The following GRXCR1 variants were observed in gnomAD, a reference collection of about 807,000 sequenced individuals.
GRXCR1 encodes the protein glutaredoxin domain-containing cysteine-rich protein 1.
GRXCR1 carries 27 observed loss-of-function variants against 27.3 expected under a neutral mutation model. That is an observed-to-expected ratio of 0.99 (90% CI 0.73 to 1.37). GRXCR1 has a LOEUF of 1.37. Among genes scored for constraint, GRXCR1 ranks in the 40% most tolerant of loss-of-function variants. The pLI is 0.00. For synonymous variants in GRXCR1, 122 were observed against 131.1 expected (o/e 0.93, Z 0.47); for missense variants, 379 against 354.4 (o/e 1.07, Z -0.56).
At chr4:42,959,437 G>A (rs946777953) in intron 1 of GRXCR1, among the ~76,000 whole-genome samples, 1 of 151,576 alleles carries the variant, frequency 6.6e-6, no homozygotes, top group Non-Finnish European at 1.5e-5. Context: ...GGGGATGGAA[G>A]GGAAGAAGGG....
rs193099885 is a variant in GRXCR1, at chr4:42,917,284, C to T, written c.384+23634C>T. Among the ~76,000 whole-genome samples the T allele has an allele frequency of 3.6e-3, 546 of 152,238 alleles. 6 individuals carry two copies. The highest frequency in any genetic ancestry group is 1.6e-3 in the Non-Finnish European group (108 of 68,018). On this transcript the variant is annotated intron_variant, in intron 1 of 3. Coordinates refer to ENST00000399770, the MANE Select transcript of GRXCR1 (RefSeq NM_001080476.3). ...ATGGGAGAGAAAAAAAGTATCCCAT[C>T]TCCTCTGGTGTTGATGGCACAAATG...
intron 1 of GRXCR1, among the ~76,000 whole-genome samples, chr4:42,953,130 C>T (rs765604161): frequency 1.3e-5 from 2 of 152,100 alleles, no homozygotes; most frequent in Non-Finnish European, 2.9e-5. Context: ...GCAAACTTAC[C>T]AGGTTGCATG....
intron 1 of GRXCR1, among the ~76,000 whole-genome samples, chr4:42,951,003 G>A (rs560509612): frequency 7.9e-5 from 12 of 152,130 alleles, no homozygotes; most frequent in African/African-American, 2.4e-4. Flanking sequence ...GATTATGGAG[G>A]CTAAGAAGCC....
intron 2 of GRXCR1, among the ~76,000 whole-genome samples, chr4:42,974,105 T>C (rs976777331): frequency 1.3e-5 from 2 of 152,050 alleles, no homozygotes; most frequent in African/African-American, 4.8e-5. Context: ...AAGAGTTTAA[T>C]GATTGCAGGG....
intron 2 of GRXCR1, among the ~76,000 whole-genome samples, chr4:43,009,881 A>T (rs1219547116): frequency 6.6e-6 from 1 of 152,166 alleles, no homozygotes; most frequent in Non-Finnish European, 1.5e-5. Context: ...CTATCTATGT[A>T]TCTATGTGCC....
At chr4:42,911,546 G>T (rs1273522049) in intron 1 of GRXCR1, among the ~76,000 whole-genome samples, 1 of 152,012 alleles carries the variant, frequency 6.6e-6, no homozygotes, top group Non-Finnish European at 1.5e-5. Context: ...TGATATCAGA[G>T]AATTCTGAGA....
At chr4:42,965,193 T>A (rs992964805) in intron 2 of GRXCR1, among the ~76,000 whole-genome samples, 1 of 152,056 alleles carries the variant, frequency 6.6e-6, no homozygotes, top group Non-Finnish European at 1.5e-5. Flanking sequence ...GGGGGCATGC[T>A]TCTTTCCCAG....
intron 1 of GRXCR1, among the ~76,000 whole-genome samples, chr4:42,910,220 A>T (rs955762098): frequency 8.5e-5 from 13 of 152,124 alleles, no homozygotes; most frequent in African/African-American, 3.1e-4. Context: ...ATCACCTCCC[A>T]TCAGGTTCCT....
intron 1 of GRXCR1, among the ~76,000 whole-genome samples, chr4:42,928,088 A>G (rs1747214473): frequency 6.6e-6 from 1 of 151,676 alleles, no homozygotes; most frequent in African/African-American, 2.4e-5. Flanking sequence ...TGGAGCATTA[A>G]CTCTCCAGAA....
chr4:42,893,769 C>T (rs1249925355), intron 1 of GRXCR1, 119 bp downstream of exon 1: 73 of 933,066 alleles, frequency 7.8e-5, no homozygotes, highest in East Asian at 1.9e-4. Context: ...CTTCATGAGA[C>T]GCTCCTCCAC....
intron 1 of GRXCR1, among the ~76,000 whole-genome samples, chr4:42,897,914 GTTA>G (rs1219243035): frequency 4.5e-4 from 65 of 143,904 alleles, no homozygotes; most frequent in Middle Eastern, 3.5e-3. Flanking sequence ...GAACAGAAAA[GTTA>G]TTACTATTAT....
At chr4:43,000,787 T>A (rs1712330957) in intron 2 of GRXCR1, among the ~76,000 whole-genome samples, 1 of 152,082 alleles carries the variant, frequency 6.6e-6, no homozygotes, top group South Asian at 2.1e-4. Flanking sequence ...CACTACTGTA[T>A]AAGCCTACTC....
intron 2 of GRXCR1, among the ~76,000 whole-genome samples, chr4:42,984,574 C>A (rs1021161841): frequency 2.0e-5 from 3 of 152,216 alleles, no homozygotes; most frequent in African/African-American, 7.2e-5. Context: ...TTCAGAGATT[C>A]TTGGCAGGCA....
chr4:42,969,686 G>C (rs909370828), intron 2 of GRXCR1, among the ~76,000 whole-genome samples: 7 of 152,012 alleles, frequency 4.6e-5, no homozygotes, highest in Non-Finnish European at 1.0e-4. Flanking sequence ...CTCCCATCAG[G>C]TCCCTCCCTG....
intron 2 of GRXCR1, among the ~76,000 whole-genome samples, chr4:42,992,424 G>A (rs1304003118): frequency 6.6e-6 from 1 of 152,062 alleles, no homozygotes; most frequent in East Asian, 1.9e-4. Flanking sequence ...ATAATTTAAT[G>A]TGATTTTATG....
chr4:42,970,119 G>A (rs1198918615), intron 2 of GRXCR1, among the ~76,000 whole-genome samples: 1 of 152,130 alleles, frequency 6.6e-6, no homozygotes, highest in Non-Finnish European at 1.5e-5. Context: ...GTATGCTAAT[G>A]CAAGGGGTGG....
chr4:42,905,233 C>A (rs1013846352), intron 1 of GRXCR1, among the ~76,000 whole-genome samples: 1 of 152,210 alleles, frequency 6.6e-6, no homozygotes, highest in Non-Finnish European at 1.5e-5. Context: ...GGCTCTGCTG[C>A]AGTTGGCTCT....
intron 2 of GRXCR1, among the ~76,000 whole-genome samples, chr4:42,973,806 T>C (rs1487701046): frequency 6.6e-6 from 1 of 152,154 alleles, no homozygotes; most frequent in East Asian, 1.9e-4. Context: ...ATGAAGATAA[T>C]AGAATACTTA....
chr4:42,937,275 TTTTTTA>T (rs142362753), intron 1 of GRXCR1, among the ~76,000 whole-genome samples: 149,389 of 151,016 alleles, frequency 0.99, 73,911 homozygotes, highest in Middle Eastern at 1. Context: ...TATTGAGGTC[TTTTTTA>T]TTTTTATTTT....
Sources: allele counts gnomAD v4.1 joint callset (sites outside exome capture counted in the v4.1 genomes callset), GRCh38; gene constraint gnomAD v4.1.1; transcripts MANE v1.5; gene names NCBI Gene and HGNC (gene_info 2026-07-23, HGNC 2026-07-21).